The following PSMG2 variants were observed in gnomAD, a reference collection of about 807,000 sequenced individuals.
The protein encoded by PSMG2 is proteasome assembly chaperone 2, also known as CD40 ligand-activated specific transcript 3.
In PSMG2, 21 loss-of-function variants were observed where a neutral mutation model predicts 31.5. The observed-to-expected ratio is 0.67, with a 90% CI of 0.47 to 0.96. The LOEUF (loss-of-function observed/expected upper bound fraction) is 0.96. Among genes scored for constraint, PSMG2 ranks in the 40% least tolerant of loss-of-function variants. The pLI is 0.00. For synonymous variants in PSMG2, 120 were observed against 110.4 expected (o/e 1.09, Z -0.54); for missense variants, 318 against 321.2 (o/e 0.99, Z 0.08).
chr18:12,689,068 C>T (rs1054685107), intron 1 of PSMG2, among the ~76,000 whole-genome samples: 10 of 152,130 alleles, frequency 6.6e-5, no homozygotes, highest in Admixed American at 1.3e-4. Context: ...GAGCCAAGAT[C>T]GCACCACTGC....
intron 1 of PSMG2, among the ~76,000 whole-genome samples, chr18:12,694,408 A>C (rs1941079): frequency 6.6e-6 from 1 of 152,198 alleles, no homozygotes; most frequent in Admixed American, 6.5e-5. Flanking sequence ...GAGAACCTCC[A>C]AACTAAAGAC....
chr18:12,724,672 T>A (rs986176995), intron 6 of PSMG2, 53 bp downstream of exon 6: 1 of 1,496,532 alleles, frequency 6.7e-7, no homozygotes, highest in African/African-American at 1.4e-5. Flanking sequence ...ATTCATTAAC[T>A]CGCACTTTAT....
At chr18:12,672,631 A>G in intron 1 of PSMG2, 1 of 981,642 alleles carries the variant, frequency 1.0e-6, no homozygotes, top group Non-Finnish European at 1.2e-6. Context: ...AAAATCAGTG[A>G]TCGACTGCAA....
chr18:12,702,518 G>A (rs1397460064), upstream of PSMG2: 1 of 1,609,422 alleles, frequency 6.2e-7, no homozygotes, highest in South Asian at 1.1e-5. Context: ...AGCTGCTTCA[G>A]CTCGGAGGCT....
At chr18:12,674,621 C>G (rs2039055872) in intron 1 of PSMG2, 1 of 1,613,976 alleles carries the variant, frequency 6.2e-7, no homozygotes, top group Non-Finnish European at 8.5e-7. Context: ...TCAGGTACAG[C>G]CCTTCTTATG....
chr18:12,691,334 A>C, intron 1 of PSMG2: 1 of 1,486,648 alleles, frequency 6.7e-7, no homozygotes, highest in African/African-American at 1.4e-5. Context: ...ACAGGCATAA[A>C]ATTATTCTAA....
intron 1 of PSMG2, chr18:12,678,480 AAATT>A (rs1475446086): frequency 7.1e-7 from 1 of 1,406,428 alleles, no homozygotes; most frequent in East Asian, 2.5e-5. Flanking sequence ...GAGAACTTAA[AAATT>A]AAAAAGGCAG....
chr18:12,662,199 A>C (rs774097082), intron 1 of PSMG2: 8 of 446,800 alleles, frequency 1.8e-5, no homozygotes, highest in South Asian at 1.3e-4. Context: ...AGGAAAAAAA[A>C]AAAACAGCAT....
upstream of PSMG2, chr18:12,699,307 A>C (rs2040069230): frequency 5.3e-6 from 4 of 760,452 alleles, no homozygotes; most frequent in Non-Finnish European, 8.4e-6. Context: ...CCCAATACCA[A>C]AGACTAAAAA....
chr18:12,679,932 T>C (rs952770741), intron 1 of PSMG2, among the ~76,000 whole-genome samples: 1 of 151,774 alleles, frequency 6.6e-6, no homozygotes, highest in Non-Finnish European at 1.5e-5. Flanking sequence ...TGTGCACACC[T>C]GCAGTCCCAG....
intron 1 of PSMG2, among the ~76,000 whole-genome samples, chr18:12,691,709 A>ATTT (rs537984227): frequency 2.1e-5 from 3 of 140,298 alleles, no homozygotes; most frequent in Non-Finnish European, 3.1e-5. Context: ...CAAAGACAGA[A>ATTT]TTTTTTTTTT....
intron 1 of PSMG2, among the ~76,000 whole-genome samples, chr18:12,681,873 G>A (rs2039361473): frequency 6.6e-6 from 1 of 151,930 alleles, no homozygotes; most frequent in African/African-American, 2.4e-5. Flanking sequence ...GTGTGTGCCT[G>A]TAATCCCAGC....
intron 3 of PSMG2, among the ~76,000 whole-genome samples, chr18:12,717,759 T>C (rs1247922845): frequency 1.3e-5 from 2 of 152,196 alleles, no homozygotes; most frequent in Non-Finnish European, 2.9e-5. Context: ...TTTCTTTCTT[T>C]ACAATATTGA....
chr18:12,665,991 G>C (rs61407614), intron 1 of PSMG2, among the ~76,000 whole-genome samples: 4,984 of 147,698 alleles, frequency 0.034, 158 homozygotes, highest in East Asian at 0.13. Flanking sequence ...CACCGTGCCC[G>C]GCCCAACACA....
rs374887107 is a variant in PSMG2, at chr18:12,720,544, C to T, written c.442C>T (p.Gln148Ter). ...CCGGTACCTACTTACACCTTCCATG[C>T]AAAAAAGTGTTCAAAATAAAATAAA... ...PFRYLLTPSM[Q>*]KSVQNKIKSL... The change falls in exon 5 of 7, where the codon CAA (glutamine) becomes TAA (stop). Residue 148 changes from glutamine to a stop codon, truncating the protein, a stop_gained. Transcript: ENST00000317615. LOFTEE classifies it high-confidence loss of function. 1 of 1,610,802 alleles carries T rather than the reference C, an allele frequency of 6.2e-7. No homozygotes were observed. The highest frequency in any genetic ancestry group is 1.1e-5 in the South Asian group (1 of 90,610).
intron 2 of PSMG2, among the ~76,000 whole-genome samples, chr18:12,711,935 A>G (rs1221638261): frequency 6.6e-6 from 1 of 151,706 alleles, no homozygotes; most frequent in Admixed American, 6.6e-5. Context: ...TTTATTTTTT[A>G]GTAGAGACGG....
At position 12,673,557 on chromosome 18, in the gene PSMG2, C is replaced by T. The variant is rs2039007305; in HGVS notation, c.-37+14784C>T. 10 of 1,378,108 alleles carry T rather than the reference C, an allele frequency of 7.3e-6. 1 individual carries two copies. The South Asian group carries it at 1.3e-4, about 18-fold the overall frequency. The allele number at this position is 1,378,108 out of a possible 1,614,324, so 85.4% of individuals were successfully genotyped here. A position where few individuals can be genotyped will look rare whatever the true frequency, so the allele number is the denominator to read the frequency against. On this transcript the variant is annotated intron_variant, in intron 1 of 6. Transcript: ENST00000585331. ...TAAGAAGTGACCATACACTTTAATTCCTTATTTGCAAGTAAATCAGTATTT... is the reference window on the plus strand; with the variant it reads ...TAAGAAGTGACCATACACTTTAATTTCTTATTTGCAAGTAAATCAGTATTT...
chr18:12,691,327 G>C, intron 1 of PSMG2: 1 of 1,410,400 alleles, frequency 7.1e-7, no homozygotes. Context: ...CTCAAATACA[G>C]GCATAAAATT....
intron 1 of PSMG2, among the ~76,000 whole-genome samples, chr18:12,674,352 G>A (rs928663573): frequency 6.6e-6 from 1 of 151,560 alleles, no homozygotes; most frequent in Non-Finnish European, 1.5e-5. Context: ...TGAGGTGGAA[G>A]GGTCACTTGG....
Sources: gnomAD v4.1 joint callset for allele counts (sites outside exome capture counted in the v4.1 genomes callset) on GRCh38, gnomAD v4.1.1 for gene constraint, MANE v1.5 for transcripts, NCBI Gene and HGNC (gene_info 2026-07-23, HGNC 2026-07-21) for gene names.